Variants in ULK4 observed in about 807,000 individuals in gnomAD.
ULK4 encodes the protein inactive serine/threonine-protein kinase ULK4.
A neutral mutation model predicts 160.6 loss-of-function variants in ULK4; 133 were observed. That is an observed-to-expected ratio of 0.83 (90% CI 0.72 to 0.96). The LOEUF (loss-of-function observed/expected upper bound fraction) is 0.96, where lower values mean the gene tolerates loss of function less well. Among genes scored for constraint, ULK4 ranks in the 40% least tolerant of loss-of-function variants. ULK4 has a pLI of 0.00. For missense variants in ULK4, 1,580 were observed against 1,499.5 expected, an observed-to-expected ratio of 1.05 and a Z score of -0.89; for synonymous variants, 534 against 539.8, an observed-to-expected ratio of 0.99 and a Z score of 0.15.
chr3:41,815,987 A>C (rs1466072393), intron 19 of ULK4, among the ~76,000 whole-genome samples: 1 of 152,144 alleles, frequency 6.6e-6, no homozygotes, highest in Non-Finnish European at 1.5e-5. Context: ...GGTGGCATGC[A>C]TAACTACAAT....
intron 34 of ULK4, among the ~76,000 whole-genome samples, chr3:41,448,429 T>A (rs1243195151): frequency 6.6e-6 from 1 of 152,154 alleles, no homozygotes; most frequent in Admixed American, 6.5e-5. Context: ...ACATAGAATA[T>A]GACTAGAAAA....
At chr3:41,829,687 C>T (rs772546548) in intron 18 of ULK4, among the ~76,000 whole-genome samples, 33 of 152,128 alleles carry the variant, frequency 2.2e-4, no homozygotes, top group Admixed American at 1.7e-3. Flanking sequence ...AACACTTTTA[C>T]AGTGTTGGTG....
At chr3:41,780,241 G>A (rs1364523990) in intron 21 of ULK4, among the ~76,000 whole-genome samples, 1 of 152,038 alleles carries the variant, frequency 6.6e-6, no homozygotes, top group African/African-American at 2.4e-5. Flanking sequence ...CCAGGAGGCA[G>A]CGGTTTCAGT....
In ULK4 at chr3:41,486,547, G is replaced by C. The variant is rs965436711; in HGVS notation, c.3227-23294C>G. Reference sequence around the variant, plus strand: ...AACGGTGTCAGGTATGCACTGACTGGATGTTGTTGGCATGGGGAGGAAGCA... The same window carrying C: ...AACGGTGTCAGGTATGCACTGACTGCATGTTGTTGGCATGGGGAGGAAGCA... On this transcript the variant is annotated intron_variant, in intron 32 of 36. Coordinates refer to ENST00000301831, the MANE Select transcript of ULK4 (RefSeq NM_017886.4). Among the ~76,000 whole-genome samples, 26 of 152,198 alleles carry C rather than the reference G, an allele frequency of 1.7e-4. 1 individual carries two copies. The highest frequency in any genetic ancestry group is 1.7e-3 in the Admixed American group (26 of 15,280).
intron 34 of ULK4, among the ~76,000 whole-genome samples, chr3:41,429,489 G>A (rs1371034168): frequency 6.6e-6 from 1 of 152,046 alleles, no homozygotes; most frequent in Admixed American, 6.6e-5. Context: ...GCAAAGACAT[G>A]GAATCAACAC....
intron 16 of ULK4, among the ~76,000 whole-genome samples, chr3:41,887,785 C>T (rs567433526): frequency 1.3e-5 from 2 of 151,146 alleles, no homozygotes; most frequent in Admixed American, 1.3e-4. Context: ...CATGCCACTA[C>T]TGCACTCCCG....
intron 35 of ULK4, among the ~76,000 whole-genome samples, chr3:41,314,735 G>A (rs1281323435): frequency 6.6e-6 from 1 of 152,022 alleles, no homozygotes; most frequent in Admixed American, 6.6e-5. Flanking sequence ...GAAATTTGTT[G>A]AAAAATTTGG....
chr3:41,491,717 GCTTT>G (rs1316020153), intron 32 of ULK4, among the ~76,000 whole-genome samples: 3 of 151,574 alleles, frequency 2.0e-5, no homozygotes, highest in African/African-American at 2.4e-5. Flanking sequence ...TTATTCATTT[GCTTT>G]ATTTTTATTT....
At chr3:41,455,736 G>C in intron 33 of ULK4, 141 bp from the exon 34 acceptor site, 1 of 666,458 alleles carries the variant, frequency 1.5e-6, no homozygotes, top group Admixed American at 2.7e-5. Context: ...ATAGATGGAG[G>C]CCCCAGAAGA....
chr3:41,915,541 C>T (rs1698936387), intron 8 of ULK4: 1 of 158,758 alleles, frequency 6.3e-6, no homozygotes, highest in African/African-American at 2.4e-5. Context: ...ACTTAATAGC[C>T]CCATTATGAC....
At chr3:41,368,921 A>C (rs1430964882) in intron 35 of ULK4, among the ~76,000 whole-genome samples, 1 of 152,196 alleles carries the variant, frequency 6.6e-6, no homozygotes, top group Non-Finnish European at 1.5e-5. Flanking sequence ...TTTTTCAAAA[A>C]TAGTACATCA....
At chr3:41,734,559 T>A (rs2037961110) in intron 22 of ULK4, among the ~76,000 whole-genome samples, 1 of 151,864 alleles carries the variant, frequency 6.6e-6, no homozygotes, top group African/African-American at 2.4e-5. Flanking sequence ...TGAAATCACC[T>A]AAGGACAGTG....
chr3:41,478,920 C>T (rs1211090940), intron 32 of ULK4, among the ~76,000 whole-genome samples: 4 of 152,294 alleles, frequency 2.6e-5, no homozygotes, highest in East Asian at 1.9e-4. Context: ...TTTCCAATTA[C>T]GTCCAGGTAA....
At chr3:41,289,315 G>T (rs1222847472) in intron 35 of ULK4, among the ~76,000 whole-genome samples, 1 of 152,130 alleles carries the variant, frequency 6.6e-6, no homozygotes. Flanking sequence ...GTTGGCAGGA[G>T]AGGACACAGT....
intron 32 of ULK4, among the ~76,000 whole-genome samples, chr3:41,499,199 G>GA (rs2085101344): frequency 6.6e-6 from 1 of 152,070 alleles, no homozygotes. Context: ...ATTGAGCTAG[G>GA]AATTCCAGAA....
intron 32 of ULK4, among the ~76,000 whole-genome samples, chr3:41,537,074 C>T (rs1213493062): frequency 6.6e-6 from 1 of 152,138 alleles, no homozygotes; most frequent in Non-Finnish European, 1.5e-5. Flanking sequence ...CATCATCTGC[C>T]AATGGTTCAG....
intron 22 of ULK4, among the ~76,000 whole-genome samples, chr3:41,724,474 C>T (rs1458293119): frequency 6.6e-6 from 1 of 152,098 alleles, no homozygotes; most frequent in East Asian, 1.9e-4. Flanking sequence ...TCTGTAATCC[C>T]AGCACTTTGG....
chr3:41,273,672 T>C (rs2079178565), intron 35 of ULK4, among the ~76,000 whole-genome samples: 1 of 152,112 alleles, frequency 6.6e-6, no homozygotes, highest in African/African-American at 2.4e-5. Flanking sequence ...GAAATTTGAT[T>C]GCTAGAGTGG....
At chr3:41,364,248 C>T (rs1469334391) in intron 35 of ULK4, among the ~76,000 whole-genome samples, 1 of 152,152 alleles carries the variant, frequency 6.6e-6, no homozygotes, top group Non-Finnish European at 1.5e-5. Flanking sequence ...CAAGCCTCTT[C>T]TCTTAATCCA....
Sources: gnomAD v4.1 joint callset for allele counts (sites outside exome capture counted in the v4.1 genomes callset) on GRCh38, gnomAD v4.1.1 for gene constraint, MANE v1.5 for transcripts, NCBI Gene and HGNC (gene_info 2026-07-23, HGNC 2026-07-21) for gene names.